The following NHSL1 variants were observed in gnomAD, a reference collection of about 807,000 sequenced individuals.
NHSL1 encodes NHS-like protein 1.
NHSL1 carries 48 observed loss-of-function variants against 95.0 expected under a neutral mutation model. The ratio of observed to expected loss-of-function variants is 0.51; its 90% CI spans 0.40 to 0.64. NHSL1 has a LOEUF of 0.64. Among genes scored for constraint, NHSL1 ranks in the 30% least tolerant of loss-of-function variants. The pLI is 0.00. For missense variants in NHSL1, 1,971 were observed against 2,077.7 expected, an observed-to-expected ratio of 0.95 and a Z score of 1.00; for synonymous variants, 783 against 833.9, an observed-to-expected ratio of 0.94 and a Z score of 1.05.
chr6:138,667,352 T>C (rs1395402338), intron 1 of NHSL1, among the ~76,000 whole-genome samples: 1 of 152,136 alleles, frequency 6.6e-6, no homozygotes, highest in Non-Finnish European at 1.5e-5. Context: ...CACAGAAAAT[T>C]TCAATACTAA....
At chr6:138,459,142 C>T (rs919824410) in intron 3 of NHSL1, among the ~76,000 whole-genome samples, 7 of 152,092 alleles carry the variant, frequency 4.6e-5, no homozygotes, top group Non-Finnish European at 8.8e-5. Flanking sequence ...CACACACCAC[C>T]ATGCCCAGCT....
intron 1 of NHSL1, among the ~76,000 whole-genome samples, chr6:138,677,055 A>T (rs922067055): frequency 1.3e-5 from 2 of 152,256 alleles, no homozygotes; most frequent in African/African-American, 4.8e-5. Context: ...AGGTTACAGA[A>T]GTAAGTAATA....
At chr6:138,535,335 G>A (rs762841973) in intron 1 of NHSL1, among the ~76,000 whole-genome samples, 4 of 152,120 alleles carry the variant, frequency 2.6e-5, no homozygotes, top group South Asian at 4.1e-4. Context: ...AGATAAAGGC[G>A]GGAGGATTGC....
intron 1 of NHSL1, among the ~76,000 whole-genome samples, chr6:138,682,950 G>A (rs1785532495): frequency 6.6e-6 from 1 of 152,182 alleles, no homozygotes; most frequent in Non-Finnish European, 1.5e-5. Flanking sequence ...CAAGTTCCGG[G>A]TGAAAACGTG....
chr6:138,485,575 C>A (rs1583281689), intron 2 of NHSL1, among the ~76,000 whole-genome samples: 1 of 151,996 alleles, frequency 6.6e-6, no homozygotes, highest in East Asian at 1.9e-4. Context: ...TTAAGGACAC[C>A]AAGGAAAGCA....
In NHSL1 at chr6:138,648,699, T is replaced by C. The variant is rs73566677; in HGVS notation, c.96+43777A>G. ...CACACAGAAAGAAGGGCCTACCCAA[T>C]GGTGTAAATACTGAAAGCAGTCGTT... On this transcript the variant is annotated intron_variant, in intron 1 of 3. Coordinates refer to the NHSL1 transcript ENST00000491526. 9.1e-3 allele frequency among the ~76,000 whole-genome samples: 1,382 copies of C among 152,330 alleles called. 17 individuals carry two copies. The highest frequency in any genetic ancestry group is 0.03 in the African/African-American group (1,260 of 41,576).
intron 1 of NHSL1, among the ~76,000 whole-genome samples, chr6:138,614,232 A>G (rs1784550297): frequency 6.6e-6 from 1 of 152,178 alleles, no homozygotes; most frequent in South Asian, 2.1e-4. Flanking sequence ...GGTGCTCACC[A>G]TTTGCTCTCT....
chr6:138,436,425 T>C (rs989828414), intron 5 of NHSL1, among the ~76,000 whole-genome samples: 3 of 152,252 alleles, frequency 2.0e-5, no homozygotes, highest in African/African-American at 7.2e-5. Flanking sequence ...ATCAAGGCCC[T>C]AACTCTCTTC....
At chr6:138,564,836 C>A (rs908730551) in intron 1 of NHSL1, among the ~76,000 whole-genome samples, 1 of 152,078 alleles carries the variant, frequency 6.6e-6, no homozygotes, top group Non-Finnish European at 1.5e-5. Context: ...TTAGAGAAGA[C>A]TTCACAGAGT....
intron 2 of NHSL1, among the ~76,000 whole-genome samples, chr6:138,483,036 C>T (rs893846126): frequency 3.3e-5 from 5 of 152,190 alleles, no homozygotes; most frequent in African/African-American, 1.2e-4. Flanking sequence ...TCAATCAATG[C>T]TGATGCAGCT....
intron 3 of NHSL1, among the ~76,000 whole-genome samples, chr6:138,453,551 A>G (rs551009635): frequency 6.6e-6 from 1 of 151,332 alleles, no homozygotes; most frequent in African/African-American, 2.4e-5. Context: ...TTTTTATTGT[A>G]TTATTATTTT....
chr6:138,672,031 A>G (rs976950352), intron 1 of NHSL1, among the ~76,000 whole-genome samples: 2 of 152,208 alleles, frequency 1.3e-5, no homozygotes, highest in Admixed American at 6.5e-5. Flanking sequence ...AAAAACCACA[A>G]AAGAGCAAAA....
intron 1 of NHSL1, among the ~76,000 whole-genome samples, chr6:138,497,935 T>A (rs1325470586): frequency 6.6e-6 from 1 of 152,268 alleles, no homozygotes; most frequent in Non-Finnish European, 1.5e-5. Context: ...ATGTCCATTG[T>A]GCTTTCTGCT....
At chr6:138,644,942 C>A (rs73566665) in intron 1 of NHSL1, among the ~76,000 whole-genome samples, 4,309 of 152,202 alleles carry the variant, frequency 0.028, 207 homozygotes, top group African/African-American at 0.097. Context: ...TGGTCTCTGA[C>A]CTTGAATACA....
At chr6:138,541,829 CTCA>C (rs1305791784) in intron 1 of NHSL1, among the ~76,000 whole-genome samples, 2 of 152,170 alleles carry the variant, frequency 1.3e-5, no homozygotes, top group East Asian at 3.8e-4. Flanking sequence ...CACATACAAA[CTCA>C]TCTTAAATTT....
chr6:138,504,068 A>C (rs1450760510), upstream of NHSL1, among the ~76,000 whole-genome samples: 2 of 130,054 alleles, frequency 1.5e-5, no homozygotes, highest in Non-Finnish European at 3.4e-5. Flanking sequence ...CTATCCCCCC[A>C]AAAATACAAA....
At chr6:138,592,728 A>G (rs4621645) in intron 1 of NHSL1, among the ~76,000 whole-genome samples, 2,601 of 152,286 alleles carry the variant, frequency 0.017, 78 homozygotes, top group African/African-American at 0.059. Context: ...GTGTGGATAT[A>G]TTTTAGTGGG....
chr6:138,476,454 C>T (rs142257473), intron 2 of NHSL1, among the ~76,000 whole-genome samples: 2,290 of 152,240 alleles, frequency 0.015, 31 homozygotes, highest in Middle Eastern at 0.027. Flanking sequence ...AATTGGTACA[C>T]ATGGACACAC....
At chr6:138,589,343 C>G (rs900786906) in intron 1 of NHSL1, among the ~76,000 whole-genome samples, 6 of 152,220 alleles carry the variant, frequency 3.9e-5, no homozygotes, top group Admixed American at 1.3e-4. Context: ...AAAATACAGA[C>G]CCGGGGCCCA....
Sources: gnomAD v4.1 joint callset for allele counts (sites outside exome capture counted in the v4.1 genomes callset) on GRCh38, gnomAD v4.1.1 for gene constraint, MANE v1.5 for transcripts, NCBI Gene and HGNC (gene_info 2026-07-23, HGNC 2026-07-21) for gene names.